Variants in MAPRE2 observed in about 807,000 individuals in gnomAD.
MAPRE2 encodes the protein microtubule associated protein RP/EB family member 2, also known as microtubule-associated protein RP/EB family member 2.
MAPRE2 carries 13 observed loss-of-function variants against 43.2 expected under a neutral mutation model. That is an observed-to-expected ratio of 0.30 (90% confidence interval 0.20 to 0.48). The LOEUF is 0.48. Among genes scored for constraint, MAPRE2 ranks in the 20% least tolerant of loss-of-function variants. The pLI is 0.99. For synonymous variants in MAPRE2, 135 were observed against 148.8 expected (o/e 0.91, Z 0.68); for missense variants, 161 against 400.2 (o/e 0.40, Z 5.10).
At chr18:35,084,439 G>A (rs1394749517) in intron 2 of MAPRE2, among the ~76,000 whole-genome samples, 1 of 152,192 alleles carries the variant, frequency 6.6e-6, no homozygotes, top group Non-Finnish European at 1.5e-5. Flanking sequence ...ATGAAAAACT[G>A]AGGGCATTTA....
At chr18:35,069,770 C>T (rs1907013592) in intron 1 of MAPRE2, among the ~76,000 whole-genome samples, 1 of 152,172 alleles carries the variant, frequency 6.6e-6, no homozygotes, top group Non-Finnish European at 1.5e-5. Context: ...TCACTGCACA[C>T]CTACTAGAAT....
chr18:35,136,549 G>A (rs1307461429), intron 6 of MAPRE2, among the ~76,000 whole-genome samples: 1 of 152,246 alleles, frequency 6.6e-6, no homozygotes, highest in African/African-American at 2.4e-5. Context: ...TCACAGCGAA[G>A]ATGGCATTTG....
chr18:35,080,654 T>A (rs1294225124), intron 2 of MAPRE2, among the ~76,000 whole-genome samples: 1 of 152,222 alleles, frequency 6.6e-6, no homozygotes, highest in East Asian at 1.9e-4. Flanking sequence ...TTTTCTGAAT[T>A]GTGTTTTTAA....
intron 1 of MAPRE2, among the ~76,000 whole-genome samples, chr18:35,001,395 TC>T (rs561220061): frequency 1.1e-3 from 162 of 151,994 alleles, no homozygotes; most frequent in African/African-American, 3.7e-3. Flanking sequence ...ATGCCTGTAA[TC>T]CCAGCTACGC....
At chr18:34,996,655 G>C (rs1480516468) in intron 1 of MAPRE2, among the ~76,000 whole-genome samples, 1 of 152,142 alleles carries the variant, frequency 6.6e-6, no homozygotes, top group Non-Finnish European at 1.5e-5. Context: ...CCTCTTATAG[G>C]GTTATTGGGA....
chr18:34,979,870 A>G (rs2097015155), intron 1 of MAPRE2, among the ~76,000 whole-genome samples: 1 of 152,102 alleles, frequency 6.6e-6, no homozygotes, highest in Non-Finnish European at 1.5e-5. Flanking sequence ...TATCTTTAAC[A>G]GGTTATCTTA....
chr18:35,102,183 GA>G (rs1908710884), intron 4 of MAPRE2, 24 bp downstream of exon 4: 1 of 1,532,630 alleles, frequency 6.5e-7, no homozygotes. Flanking sequence ...GAGATTGCGG[GA>G]GTTGCTTTCA....
chr18:35,107,560 C>A (rs1325695067), intron 4 of MAPRE2, among the ~76,000 whole-genome samples: 1 of 152,064 alleles, frequency 6.6e-6, no homozygotes, highest in Non-Finnish European at 1.5e-5. Flanking sequence ...TTAAGAGAAG[C>A]AGTAAAAAAT....
intron 5 of MAPRE2, among the ~76,000 whole-genome samples, chr18:35,128,630 A>G: frequency 6.6e-6 from 1 of 152,224 alleles, no homozygotes; most frequent in Non-Finnish European, 1.5e-5. Context: ...GTATCGTCTT[A>G]TATCAGGGAC....
At chr18:35,067,083 A>G (rs1393314413) in intron 1 of MAPRE2, among the ~76,000 whole-genome samples, 1 of 152,212 alleles carries the variant, frequency 6.6e-6, no homozygotes, top group Non-Finnish European at 1.5e-5. Context: ...GTTATCCCAC[A>G]GGTCCCTTAA....
At chr18:35,096,439 A>G (rs1908419065) in intron 2 of MAPRE2, among the ~76,000 whole-genome samples, 1 of 152,252 alleles carries the variant, frequency 6.6e-6, no homozygotes, top group Non-Finnish European at 1.5e-5. Flanking sequence ...GATATGAATC[A>G]GTAAACACAG....
intron 3 of MAPRE2, among the ~76,000 whole-genome samples, chr18:35,097,861 G>A (rs1908497682): frequency 6.6e-6 from 1 of 152,170 alleles, no homozygotes; most frequent in African/African-American, 2.4e-5. Flanking sequence ...CATTGCAGAT[G>A]AGAAACTTTT....
At chr18:35,044,756 A>G (rs1905537605) in intron 1 of MAPRE2, among the ~76,000 whole-genome samples, 1 of 152,204 alleles carries the variant, frequency 6.6e-6, no homozygotes, top group Non-Finnish European at 1.5e-5. Context: ...GGGAACACCT[A>G]GAGGATAGGG....
chr18:35,067,801 CCTTA>C (rs958578741), intron 1 of MAPRE2, among the ~76,000 whole-genome samples: 15 of 152,128 alleles, frequency 9.9e-5, no homozygotes, highest in African/African-American at 3.1e-4. Flanking sequence ...AATTATTTAC[CCTTA>C]CTAAGATTAT....
chr18:35,138,004 T>C (rs1395502074), intron 6 of MAPRE2, among the ~76,000 whole-genome samples: 2 of 152,228 alleles, frequency 1.3e-5, no homozygotes, highest in Non-Finnish European at 2.9e-5. Flanking sequence ...GGAAGGCCAG[T>C]AACTGTTTCT....
intron 2 of MAPRE2, among the ~76,000 whole-genome samples, chr18:35,087,632 G>A (rs946278718): frequency 6.6e-6 from 1 of 152,114 alleles, no homozygotes; most frequent in African/African-American, 2.4e-5. Context: ...CTGCTATGCA[G>A]ATCTTCATTC....
At chr18:35,047,749 T>C (rs918514650) in intron 1 of MAPRE2, among the ~76,000 whole-genome samples, 1 of 151,756 alleles carries the variant, frequency 6.6e-6, no homozygotes, top group Non-Finnish European at 1.5e-5. Flanking sequence ...GTTTTCAGTG[T>C]CAAATCTCCC....
intron 2 of MAPRE2, among the ~76,000 whole-genome samples, chr18:35,094,910 G>T (rs1434891483): frequency 1.3e-5 from 2 of 152,128 alleles, no homozygotes; most frequent in African/African-American, 4.8e-5. Context: ...CAGAGCCTAG[G>T]TCATGGGCCT....
intron 1 of MAPRE2, among the ~76,000 whole-genome samples, chr18:35,048,749 T>G (rs568575325): frequency 4.0e-5 from 6 of 149,596 alleles, no homozygotes; most frequent in Admixed American, 2.7e-4. Context: ...TATAACACAA[T>G]GGTGAGAACT....
Sources: gnomAD v4.1 joint callset for allele counts (sites outside exome capture counted in the v4.1 genomes callset) on GRCh38, gnomAD v4.1.1 for gene constraint, MANE v1.5 for transcripts, NCBI Gene and HGNC (gene_info 2026-07-23, HGNC 2026-07-21) for gene names.